The following ARTN variants were observed in gnomAD, a reference collection of about 807,000 sequenced individuals.
ARTN encodes the protein neublastin.
Under a neutral mutation model 15.4 loss-of-function variants are expected in ARTN, and 9 were observed. The observed-to-expected ratio is 0.58, with a 90% CI of 0.35 to 1.02. ARTN has a LOEUF of 1.02. Among genes scored for constraint, ARTN ranks in the 50% least tolerant of loss-of-function variants. ARTN has a pLI of 0.02. For synonymous variants in ARTN, 163 were observed against 155.8 expected, an observed-to-expected ratio of 1.05 and a Z score of -0.35; for missense variants, 284 against 327.9, an observed-to-expected ratio of 0.87 and a Z score of 1.03.
intron 3 of ARTN, 21 bp downstream of exon 3, chr1:43,935,737 C>G: frequency 6.2e-7 from 1 of 1,603,452 alleles, no homozygotes; most frequent in Non-Finnish European, 8.5e-7. Flanking sequence ...CTCCCAGTGA[C>G]TCCTACCTGG....
rs768261554 is a variant in ARTN at position 43,936,029 on chromosome 1, T to C, written c.61-64T>C. ...GAGGACAGCCCCTCCTTGAGGTCCT[T>C]CCTCCCCAAGCCCACCTGGGTGCCC... On this transcript the variant is annotated intron_variant, in intron 3 of 4. Coordinates refer to ENST00000372359, the MANE Select transcript of ARTN (RefSeq NM_057091.3). This position sits in a 1 kb window ranked among gnomAD's most constrained non-coding sequence, Gnocchi z 6.6. 4 of 1,611,350 alleles carry C rather than the reference T, an allele frequency of 2.5e-6. No homozygotes were observed. In the East Asian group the frequency reaches 8.9e-5, roughly 36 times the overall value.
rs2085090321 is a variant in ARTN at position 43,936,135 on chromosome 1, A to G, written c.103A>G (p.Ser35Gly). 1 of 1,601,778 alleles carries G rather than the reference A, an allele frequency of 6.2e-7. No homozygotes were observed. Among genetic ancestry groups the G allele is most frequent in the Admixed American group, 1.7e-5 (1 of 59,718 alleles). Residue 35 changes from serine to glycine, a missense_variant, in exon 4 of 5, where the codon AGC becomes GGC. By Grantham distance (56) the Ser-to-Gly change is moderately conservative. Coordinates refer to ENST00000372359, the MANE Select transcript of ARTN (RefSeq NM_057091.3). The surrounding 1 kb of genome is among the most constrained non-coding windows in gnomAD (Gnocchi z 6.6). ...CCTGGCCGCTCTGGCTCTGCTGAGC[A>G]GCGTCGCAGAGGCCTCCCTGGGCTC... ...PTLAALALLS[S>G]VAEASLGSAP...
chr1:43,936,756 C>T lies in ARTN; in HGVS notation c.654C>T (p.Cys218=). ...GCCTCTCCGCCACCGCCTGCGGCTG[C>T]CTGGGCTGAGGGCTCGCTCCAGGGC... The part of the protein sequence containing the change: ...VDRLSATACG[C]LG Residue 218 remains cysteine, a synonymous_variant, in exon 5 of 5, where the codon TGC becomes TGT. Coordinates refer to ENST00000372359, the MANE Select transcript of ARTN (RefSeq NM_057091.3). The surrounding 1 kb of genome is among the most constrained non-coding windows in gnomAD (Gnocchi z 6.6). The T allele has an allele frequency of 1.3e-6, 2 of 1,502,696 alleles. No homozygotes were observed. The highest frequency in any genetic ancestry group is 1.8e-6 in the Non-Finnish European group (2 of 1,118,942). 93.1% of individuals were successfully genotyped at this position (1,502,696 alleles called of 1,614,324 possible).
In ARTN at chr1:43,936,385, C is replaced by T. The variant is rs2085096564; in HGVS notation, c.283C>T (p.Pro95Ser). The change falls in exon 5 of 5, where the codon CCC becomes TCC. Residue 95 changes from proline to serine, a missense_variant. Coordinates refer to ENST00000372359, the MANE Select transcript of ARTN (RefSeq NM_057091.3). The surrounding 1 kb of genome is among the most constrained non-coding windows in gnomAD (Gnocchi z 6.6). ...PSRPAPPPPA[P>S]PSALPRGGRA... ...TCGGCCCGCGCCCCCGCCGCCTGCACCCCCATCTGCTCTTCCCCGCGGGGG... is the reference window on the plus strand; with the variant it reads ...TCGGCCCGCGCCCCCGCCGCCTGCATCCCCATCTGCTCTTCCCCGCGGGGG... The T allele has an allele frequency of 3.2e-6, 4 of 1,261,012 alleles. No homozygotes were observed. The highest frequency in any genetic ancestry group is 3.1e-5 in the African/African-American group (2 of 63,756). The allele number at this position is 1,261,012 out of a possible 1,614,324, so 78.1% of individuals were successfully genotyped here.
At position 43,935,869 on chromosome 1, in the gene ARTN, CTGAA is replaced by C. The variant is rs2085085949; in HGVS notation, c.60+156_60+159del. Reference sequence around the variant, plus strand: ...GAATGGGAGGAGGAGCGGGACTTCTCTGAATGGTCGGTGCACTCAGGTGATTCCT... The same window carrying C: ...GAATGGGAGGAGGAGCGGGACTTCTCTGGTCGGTGCACTCAGGTGATTCCT... On this transcript the variant is annotated intron_variant, in intron 3 of 4. Coordinates refer to ENST00000372359, the MANE Select transcript of ARTN (RefSeq NM_057091.3). 3.3e-6 allele frequency: 3 copies of C among 915,138 alleles called. No individual in the cohort carries two copies. The South Asian group carries it at 4.8e-5, about 15-fold the overall frequency. The allele number at this position is 915,138 out of a possible 1,614,324, so 56.7% of individuals were successfully genotyped here.
chr1:43,936,165 C>T lies in ARTN; in HGVS notation c.133C>T (p.Pro45Ser). The T allele has an allele frequency of 6.4e-7, 1 of 1,565,396 alleles. No homozygotes were observed. The highest frequency in any genetic ancestry group is 8.6e-7 in the Non-Finnish European group (1 of 1,161,656). Residue 45 changes from proline (P) to serine (S), a missense_variant, in exon 4 of 5, where the codon CCC becomes TCC. Pro to Ser is a moderately conservative substitution (Grantham distance 74). Transcript: ENST00000372359. The surrounding 1 kb of genome is among the most constrained non-coding windows in gnomAD (Gnocchi z 6.6). ...CGCAGAGGCCTCCCTGGGCTCCGCG[C>T]CCCGCAGCCCTGCCCCCCGCGAAGG... Reference protein sequence around the residue: ...SVAEASLGSAPRSPAPREGPP... With the variant: ...SVAEASLGSASRSPAPREGPP...
At chr1:43,934,957 A>G (rs1014299291) in intron 2 of ARTN, among the ~76,000 whole-genome samples, 7 of 152,100 alleles carry the variant, frequency 4.6e-5, no homozygotes, top group African/African-American at 1.7e-4. Context: ...CCCAGGCCCC[A>G]TGTTTTCAGA....
chr1:43,935,747 G>A (rs771912026), intron 3 of ARTN, 31 bp downstream of exon 3: 2 of 1,591,828 alleles, frequency 1.3e-6, no homozygotes, highest in South Asian at 1.1e-5. Flanking sequence ...CTCCTACCTG[G>A]TACTGAGGAA....
At position 43,936,582 on chromosome 1, in the gene ARTN, A is replaced by G; in HGVS notation, c.480A>G (p.Pro160=). Residue 160 remains proline (P), a synonymous_variant, in exon 5 of 5, where the codon CCA becomes CCG. Transcript: ENST00000372359. This position sits in a 1 kb window ranked among gnomAD's most constrained non-coding sequence, Gnocchi z 6.6. ...CSGSCRRARS[P]HDLSLASLLG... ...GCTCCTGCCGCCGCGCGCGCTCTCCACACGACCTCAGCCTGGCCAGCCTAC... is the reference window on the plus strand; with the variant it reads ...GCTCCTGCCGCCGCGCGCGCTCTCCGCACGACCTCAGCCTGGCCAGCCTAC... 1 of 1,578,864 alleles carries G rather than the reference A, an allele frequency of 6.3e-7. No homozygotes were observed. The highest frequency in any genetic ancestry group is 2.4e-5 in the East Asian group (1 of 41,852).
Position 43,937,127 on chromosome 1 carries a change from A to G in ARTN, c.*362A>G, listed in dbSNP as rs1255206355. On this transcript the variant is annotated 3_prime_UTR_variant, in exon 5 of 5. Coordinates refer to ENST00000372359, the MANE Select transcript of ARTN (RefSeq NM_057091.3). ...GCCCCCGCCCAGGCCCTGTAGGGAC[A>G]GCATTTGAAGGACACATATTGCAGT... 4.9e-6 allele frequency: 1 copy of G among 203,830 alleles called. No homozygotes were observed. Among genetic ancestry groups the G allele is most frequent in the African/African-American group, 2.3e-5 (1 of 43,658 alleles). The allele number at this position is 203,830 out of a possible 1,614,324, so 12.6% of individuals were successfully genotyped here.
chr1:43,936,507 C>G lies in ARTN; in HGVS notation c.405C>G (p.Leu135=), dbSNP rs1366540157. 1.4e-6 allele frequency: 2 copies of G among 1,408,880 alleles called. No homozygotes were observed. The highest frequency in any genetic ancestry group is 6.2e-5 in the East Asian group (2 of 32,404). The allele number at this position is 1,408,880 out of a possible 1,614,324, so 87.3% of individuals were successfully genotyped here. A position where few individuals can be genotyped will look rare whatever the true frequency, so the allele number is the denominator to read the frequency against. The part of the protein sequence containing the change: ...LRSQLVPVRA[L]GLGHRSDELV... ...CGCAGCTGGTGCCGGTGCGCGCGCT[C>G]GGCCTGGGCCACCGCTCCGACGAGC... is the stretch of plus-strand genomic sequence containing the variant. The change falls in exon 5 of 5, where the codon CTC becomes CTG. Residue 135 remains leucine, a synonymous_variant. Transcript: ENST00000372359. The surrounding 1 kb of genome is among the most constrained non-coding windows in gnomAD (Gnocchi z 6.6).
Position 43,936,369 on chromosome 1 carries a change from GC to G in ARTN, c.272del (p.Pro91ArgfsTer170), listed in dbSNP as rs1452600568. ...RPPPQPSRPA[P>X]PPPAPPSALP... ...CGCCGCCGCAGCCTTCTCGGCCCGC[GC>G]CCCCGCCGCCTGCACCCCCATCTGC... On this transcript the variant is annotated frameshift_variant, in exon 5 of 5. Coordinates refer to ENST00000372359, the MANE Select transcript of ARTN (RefSeq NM_057091.3). LOFTEE classifies it high-confidence loss of function. The surrounding 1 kb of genome is among the most constrained non-coding windows in gnomAD (Gnocchi z 6.6). 6 of 1,290,802 alleles carry G rather than the reference GC, an allele frequency of 4.6e-6. No individual in the cohort carries two copies. The highest frequency in any genetic ancestry group is 5.9e-6 in the Non-Finnish European group (6 of 1,024,442). 80.0% of individuals were successfully genotyped at this position (1,290,802 alleles called of 1,614,324 possible). A position where few individuals can be genotyped will look rare whatever the true frequency, so the allele number is the denominator to read the frequency against.
At position 43,936,214 on chromosome 1, in the gene ARTN, C is replaced by A; in HGVS notation, c.182C>A (p.Pro61His). ...REGPPPVLASPAGHLPGGRTA... is the reference protein window; with the variant it reads ...REGPPPVLASHAGHLPGGRTA... Reference sequence around the variant, plus strand: ...GGCCCCCCGCCTGTCCTGGCGTCCCCCGCCGGCCACCTGCCGGGTAGGTGA... The same window carrying A: ...GGCCCCCCGCCTGTCCTGGCGTCCCACGCCGGCCACCTGCCGGGTAGGTGA... Residue 61 changes from proline to histidine, a missense_variant, in exon 4 of 5, where the codon CCC (proline) becomes CAC (histidine). Physicochemically the swap from Pro to His is moderately conservative, Grantham distance 77. Transcript: ENST00000372359. The surrounding 1 kb of genome is among the most constrained non-coding windows in gnomAD (Gnocchi z 6.6). 6.7e-7 allele frequency: 1 copy of A among 1,483,382 alleles called. No homozygotes were observed. Among genetic ancestry groups the A allele is most frequent in the East Asian group, 2.6e-5 (1 of 38,306 alleles). The allele number at this position is 1,483,382 out of a possible 1,614,324, so 91.9% of individuals were successfully genotyped here. A position where few individuals can be genotyped will look rare whatever the true frequency, so the allele number is the denominator to read the frequency against.
chr1:43,935,778 G>C, intron 3 of ARTN, 62 bp downstream of exon 3: 1 of 1,510,416 alleles, frequency 6.6e-7, no homozygotes, highest in Non-Finnish European at 9.0e-7. Context: ...ACTGGTGAGG[G>C]AGAGCAGGGC....
rs2085106072 is a variant in ARTN, at chr1:43,936,895, C to A, written c.*130C>A. On this transcript the variant is annotated 3_prime_UTR_variant, in exon 5 of 5. Coordinates refer to ENST00000372359, the MANE Select transcript of ARTN (RefSeq NM_057091.3). The surrounding 1 kb of genome is among the most constrained non-coding windows in gnomAD (Gnocchi z 6.6). ...GGCCTCAAAGCTGAGAGGCCCCTGC[C>A]GGTGGGTGATGGATATCATCCCCGA... 1.6e-6 allele frequency: 2 copies of A among 1,229,406 alleles called. No homozygotes were observed. The highest frequency in any genetic ancestry group is 2.6e-5 in the South Asian group (1 of 39,206). 76.2% of individuals were successfully genotyped at this position (1,229,406 alleles called of 1,614,324 possible). A position where few individuals can be genotyped will look rare whatever the true frequency, so the allele number is the denominator to read the frequency against.
In ARTN at chr1:43,936,424, G is replaced by T; in HGVS notation, c.322G>T (p.Ala108Ser). 8.7e-7 allele frequency: 1 copy of T among 1,146,184 alleles called. No homozygotes were observed. The highest frequency in any genetic ancestry group is 4.2e-5 in the South Asian group (1 of 23,626). 71.0% of individuals were successfully genotyped at this position (1,146,184 alleles called of 1,614,324 possible). A position where few individuals can be genotyped will look rare whatever the true frequency, so the allele number is the denominator to read the frequency against. ...TCCCCGCGGGGGCCGCGCGGCGCGG[G>T]CTGGGGGCCCGGGCAGCCGCGCTCG... The part of the protein sequence containing the change: ...ALPRGGRAAR[A>S]GGPGSRARAA... The change falls in exon 5 of 5, where the codon GCT (alanine) becomes TCT (serine). Residue 108 changes from alanine (A) to serine (S), a missense_variant. By Grantham distance (99) the Ala-to-Ser change is moderately conservative. Transcript: ENST00000372359. This position sits in a 1 kb window ranked among gnomAD's most constrained non-coding sequence, Gnocchi z 6.6.
At chr1:43,935,784 A>G in intron 3 of ARTN, 68 bp downstream of exon 3, 1 of 1,486,148 alleles carries the variant, frequency 6.7e-7, no homozygotes, top group South Asian at 1.2e-5. Flanking sequence ...GAGGGAGAGC[A>G]GGGCTTGGCT....
rs1005223548 is a variant in ARTN, at chr1:43,935,826, G to T, written c.60+110G>T. On this transcript the variant is annotated intron_variant, in intron 3 of 4. Coordinates refer to ENST00000372359, the MANE Select transcript of ARTN (RefSeq NM_057091.3). ...GCGGTTAGGTGTGGGAGGGAAAATGGTCAGGGAGGGACCAGGTGAATGGGA... is the reference window on the plus strand; with the variant it reads ...GCGGTTAGGTGTGGGAGGGAAAATGTTCAGGGAGGGACCAGGTGAATGGGA... The T allele has an allele frequency of 5.1e-5, 57 of 1,110,456 alleles. No homozygotes were observed. In the Admixed American group the frequency reaches 1.3e-3, roughly 25 times the overall value. 68.8% of individuals were successfully genotyped at this position (1,110,456 alleles called of 1,614,324 possible).
At position 43,936,889 on chromosome 1, in the gene ARTN, C is replaced by T; in HGVS notation, c.*124C>T. On this transcript the variant is annotated 3_prime_UTR_variant, in exon 5 of 5. Coordinates refer to ENST00000372359, the MANE Select transcript of ARTN (RefSeq NM_057091.3). The surrounding 1 kb of genome is among the most constrained non-coding windows in gnomAD (Gnocchi z 6.6). ...GACGAAGGCCTCAAAGCTGAGAGGC[C>T]CCTGCCGGTGGGTGATGGATATCAT... The T allele has an allele frequency of 7.9e-7, 1 of 1,272,578 alleles. No homozygotes were observed. The highest frequency in any genetic ancestry group is 1.0e-6 in the Non-Finnish European group (1 of 996,390). The allele number at this position is 1,272,578 out of a possible 1,614,324, so 78.8% of individuals were successfully genotyped here.
Sources: gnomAD v4.1 joint callset for allele counts (sites outside exome capture counted in the v4.1 genomes callset) on GRCh38, gnomAD v4.1.1 for gene constraint, Gnocchi (gnomAD v3.1) non-coding constraint, MANE v1.5 for transcripts, NCBI Gene and HGNC (gene_info 2026-07-23, HGNC 2026-07-21) for gene names.